Variants in SCHIP1 observed in about 807,000 individuals in gnomAD.
The protein encoded by SCHIP1 is schwannomin-interacting protein 1.
In SCHIP1, 8 loss-of-function variants were observed where a neutral mutation model predicts 29.7. That is an observed-to-expected ratio of 0.27 (90% CI 0.16 to 0.49). The LOEUF (loss-of-function observed/expected upper bound fraction) is 0.49, where lower values mean the gene tolerates loss of function less well. Among genes scored for constraint, SCHIP1 ranks in the 20% least tolerant of loss-of-function variants. The pLI, the probability that SCHIP1 is intolerant of heterozygous loss-of-function variation, is 0.99. For synonymous variants in SCHIP1, 76 were observed against 94.9 expected (o/e 0.80, Z 1.16); for missense variants, 193 against 294.6 (o/e 0.66, Z 2.52).
At chr3:159,838,052 A>T (rs1212873478), upstream of SCHIP1, among the ~76,000 whole-genome samples, 1 of 152,068 alleles carries the variant, frequency 6.6e-6, no homozygotes, top group African/African-American at 2.4e-5. Context: ...TTTTCCTTTG[A>T]ACCTGCTGCT....
chr3:159,599,402 C>T, the SCHIP1 span, among the ~76,000 whole-genome samples: 14 of 152,140 alleles, frequency 9.2e-5, no homozygotes, highest in Non-Finnish European at 2.1e-4. Context: ...TTTTATCCCT[C>T]ACCCACCTCC....
At chr3:159,627,412 G>A in the SCHIP1 span, among the ~76,000 whole-genome samples, 12 of 152,190 alleles carry the variant, frequency 7.9e-5, no homozygotes, top group Admixed American at 2.0e-4. Flanking sequence ...GGCACTGGCT[G>A]TCTGCCAGAC....
At chr3:159,510,621 G>C in the SCHIP1 span, among the ~76,000 whole-genome samples, 3 of 152,142 alleles carry the variant, frequency 2.0e-5, no homozygotes, top group African/African-American at 7.2e-5. Context: ...GGTCTTTGAT[G>C]ATGGTGACAT....
chr3:159,531,987 A>C, the SCHIP1 span, among the ~76,000 whole-genome samples: 3 of 152,220 alleles, frequency 2.0e-5, no homozygotes, highest in African/African-American at 7.2e-5. Context: ...ATGCACTTAG[A>C]AACAGAACAT....
chr3:159,792,275 G>T, the SCHIP1 span, among the ~76,000 whole-genome samples: 4 of 152,214 alleles, frequency 2.6e-5, no homozygotes, highest in African/African-American at 9.6e-5. Flanking sequence ...GACTCAGGCG[G>T]TGTGGAAGAG....
chr3:159,377,997 T>C, the SCHIP1 span, among the ~76,000 whole-genome samples: 1 of 152,272 alleles, frequency 6.6e-6, no homozygotes, highest in East Asian at 1.9e-4. Context: ...GAAAATAGGA[T>C]AGGCTTTTGG....
the SCHIP1 span, among the ~76,000 whole-genome samples, chr3:159,363,525 C>T: frequency 2.6e-5 from 4 of 152,146 alleles, no homozygotes; most frequent in Non-Finnish European, 4.4e-5. Flanking sequence ...ATTGCCCCTC[C>T]CCACCAGACA....
chr3:159,501,343 A>G, the SCHIP1 span, among the ~76,000 whole-genome samples: 21 of 152,362 alleles, frequency 1.4e-4, no homozygotes, highest in Non-Finnish European at 2.8e-4. Flanking sequence ...CTGTAGCTTC[A>G]CTAATTTAGT....
chr3:159,494,632 AG>A, the SCHIP1 span, among the ~76,000 whole-genome samples: 1 of 152,200 alleles, frequency 6.6e-6, no homozygotes, highest in Non-Finnish European at 1.5e-5. Context: ...GACCAAAAAA[AG>A]TCCAGGACCA....
the SCHIP1 span, among the ~76,000 whole-genome samples, chr3:159,495,037 C>T: frequency 6.6e-6 from 1 of 152,302 alleles, no homozygotes; most frequent in South Asian, 2.1e-4. Flanking sequence ...GCAGAAAAGG[C>T]CTTTGACAAA....
At chr3:159,274,668 T>A in the SCHIP1 span, 1 of 821,382 alleles carries the variant, frequency 1.2e-6, no homozygotes. Flanking sequence ...ATACTTTGAA[T>A]TACTACCCAG....
chr3:159,564,059 G>A, the SCHIP1 span, among the ~76,000 whole-genome samples: 5 of 152,138 alleles, frequency 3.3e-5, no homozygotes, highest in South Asian at 1.0e-3. Flanking sequence ...GCCAAATCAT[G>A]CACTTTCCTA....
chr3:159,734,653 A>T, the SCHIP1 span, among the ~76,000 whole-genome samples: 2 of 152,162 alleles, frequency 1.3e-5, no homozygotes, highest in South Asian at 4.2e-4. Context: ...TATTTCCATA[A>T]CCATAGGCAA....
At chr3:159,407,485 A>G in the SCHIP1 span, among the ~76,000 whole-genome samples, 2 of 152,230 alleles carry the variant, frequency 1.3e-5, no homozygotes, top group Admixed American at 1.3e-4. Context: ...ATCCAGACAG[A>G]AAATAGACAA....
At chr3:159,662,440 C>T in the SCHIP1 span, among the ~76,000 whole-genome samples, 3 of 152,162 alleles carry the variant, frequency 2.0e-5, no homozygotes, top group African/African-American at 7.2e-5. Flanking sequence ...CAATTTAATT[C>T]CTATGAACCA....
At chr3:159,822,977 G>C in the SCHIP1 span, among the ~76,000 whole-genome samples, 1 of 152,206 alleles carries the variant, frequency 6.6e-6, no homozygotes, top group East Asian at 1.9e-4. Flanking sequence ...GTGCCTTCAG[G>C]CTCTGTTAGA....
At chr3:159,419,378 C>T in the SCHIP1 span, among the ~76,000 whole-genome samples, 1 of 152,160 alleles carries the variant, frequency 6.6e-6, no homozygotes. Flanking sequence ...ATTTGTGTGG[C>T]TCTCCTGACC....
chr3:159,610,088 A>T, the SCHIP1 span, among the ~76,000 whole-genome samples: 1 of 152,206 alleles, frequency 6.6e-6, no homozygotes, highest in Admixed American at 6.5e-5. Flanking sequence ...ACAGATGAGG[A>T]ATCCCATGCT....
the SCHIP1 span, among the ~76,000 whole-genome samples, chr3:159,333,759 C>T: frequency 6.6e-6 from 1 of 152,076 alleles, no homozygotes; most frequent in Admixed American, 6.6e-5. Context: ...AGGATCCTTT[C>T]TGTTAACCAG....
Sources: allele counts gnomAD v4.1 joint callset (sites outside exome capture counted in the v4.1 genomes callset), GRCh38; gene constraint gnomAD v4.1.1; transcripts MANE v1.5; gene names NCBI Gene and HGNC (gene_info 2026-07-23, HGNC 2026-07-21).